Variants in RARB observed in about 807,000 individuals in gnomAD.
The protein encoded by RARB is HBV-activated protein.
RARB carries 17 observed loss-of-function variants against 51.9 expected under a neutral mutation model. The ratio of observed to expected loss-of-function variants is 0.33; its 90% CI spans 0.22 to 0.49. The LOEUF is 0.49. RARB is among the 20% of genes least tolerant of loss of function. The pLI is 0.99. For missense variants in RARB, 369 were observed against 550.8 expected (o/e 0.67, Z 3.30); for synonymous variants, 215 against 195.4 (o/e 1.10, Z -0.84).
At chr3:25,161,671 AG>A (rs1208550214) in intron 4 of RARB, among the ~76,000 whole-genome samples, 10 of 152,176 alleles carry the variant, frequency 6.6e-5, no homozygotes, top group African/African-American at 2.4e-4. Context: ...CACTTTTCTT[AG>A]TACATATTCT....
chr3:25,200,567 T>C (rs1701363884), intron 5 of RARB, among the ~76,000 whole-genome samples: 1 of 152,204 alleles, frequency 6.6e-6, no homozygotes, highest in Admixed American at 6.6e-5. Flanking sequence ...AGGGTTTTTA[T>C]GGTTTAGGTC....
intron 5 of RARB, among the ~76,000 whole-genome samples, chr3:25,210,296 C>T (rs564430590): frequency 7.9e-5 from 12 of 152,066 alleles, no homozygotes; most frequent in Non-Finnish European, 1.5e-4. Context: ...CAGCACAGTG[C>T]TAGGCATATA....
intron 5 of RARB, among the ~76,000 whole-genome samples, chr3:25,359,926 T>C (rs1705875085): frequency 6.6e-6 from 1 of 152,210 alleles, no homozygotes; most frequent in East Asian, 1.9e-4. Context: ...AAGTGCTATG[T>C]AGTGCTGAGA....
At chr3:25,476,928 C>G (rs1306660075) in intron 2 of RARB, among the ~76,000 whole-genome samples, 1 of 152,182 alleles carries the variant, frequency 6.6e-6, no homozygotes, top group Non-Finnish European at 1.5e-5. Context: ...TTGTTCACTT[C>G]TGTATTCTCA....
chr3:25,156,516 C>CAAAAAAAA lies in RARB; in HGVS notation c.-279-17579_-279-17572dup, dbSNP rs35710364. 6.3e-4 allele frequency among the ~76,000 whole-genome samples: 36 copies of CAAAAAAAA among 56,834 alleles called. 2 individuals carry two copies. The highest frequency in any genetic ancestry group is 1.6e-3 in the African/African-American group (22 of 13,594). 37.3% of individuals were successfully genotyped at this position (56,834 alleles called of 152,430 possible). ...ATCACACAAATTCTAGCCCCAACTG[C>CAAAAAAAA]AAAAAAAAAAAAAAAAAAAAAAAAA... On this transcript the variant is annotated intron_variant, in intron 4 of 11. Transcript: ENST00000383772.
At chr3:25,353,937 G>T (rs1705652313) in intron 5 of RARB, among the ~76,000 whole-genome samples, 1 of 152,004 alleles carries the variant, frequency 6.6e-6, no homozygotes, top group Admixed American at 6.6e-5. Context: ...AATATAAAGT[G>T]CAGTATATTA....
chr3:25,232,940 A>AT (rs967965280), intron 5 of RARB, among the ~76,000 whole-genome samples: 1 of 148,972 alleles, frequency 6.7e-6, no homozygotes, highest in African/African-American at 2.5e-5. Flanking sequence ...GACGCTGGGT[A>AT]TGCTAGGTGT....
intron 2 of RARB, among the ~76,000 whole-genome samples, chr3:24,992,106 C>A (rs1280046448): frequency 6.6e-6 from 1 of 152,174 alleles, no homozygotes; most frequent in Non-Finnish European, 1.5e-5. Flanking sequence ...CCTTGACTTG[C>A]TCCTCCATAC....
intron 5 of RARB, among the ~76,000 whole-genome samples, chr3:25,323,491 A>G (rs185821802): frequency 6.6e-6 from 1 of 152,370 alleles, no homozygotes; most frequent in East Asian, 1.9e-4. Context: ...ATAGTAGTCT[A>G]CTCAGTTTAA....
At chr3:25,400,287 C>G (rs901859081) in intron 5 of RARB, among the ~76,000 whole-genome samples, 2 of 151,976 alleles carry the variant, frequency 1.3e-5, no homozygotes, top group African/African-American at 4.8e-5. Context: ...GCCCAGTGAT[C>G]GTGATGAAAT....
chr3:24,852,778 T>C lies in RARB; in HGVS notation c.-458-5896T>C, dbSNP rs114325922. 3.9e-3 allele frequency among the ~76,000 whole-genome samples: 598 copies of C among 152,300 alleles called. 3 individuals are homozygous for C. The highest frequency in any genetic ancestry group is 0.014 in the African/African-American group (575 of 41,576). On this transcript the variant is annotated intron_variant, in intron 1 of 11. Coordinates refer to the RARB transcript ENST00000383772. ...ACAACAAATAGTGTGATTCCATTTA[T>C]ATGGAATTCTCAAAAAAGGCAAATC...
chr3:25,575,116 T>G (rs1464562998), intron 4 of RARB, among the ~76,000 whole-genome samples: 1 of 152,146 alleles, frequency 6.6e-6, no homozygotes, highest in South Asian at 2.1e-4. Context: ...GGCTTGGGGA[T>G]AGTTTCAGGA....
intron 1 of RARB, among the ~76,000 whole-genome samples, chr3:24,844,171 C>A (rs1702457211): frequency 6.6e-6 from 1 of 152,188 alleles, no homozygotes; most frequent in South Asian, 2.1e-4. Flanking sequence ...GGAGGCATTA[C>A]CCTTGCCCAA....
chr3:25,070,233 C>T (rs1483817715), intron 3 of RARB, among the ~76,000 whole-genome samples: 1 of 152,120 alleles, frequency 6.6e-6, no homozygotes, highest in East Asian at 1.9e-4. Flanking sequence ...AGATTAGAGG[C>T]CCACCCTACT....
chr3:25,564,610 A>G (rs950502248), intron 3 of RARB, among the ~76,000 whole-genome samples: 3 of 152,128 alleles, frequency 2.0e-5, no homozygotes, highest in African/African-American at 4.8e-5. Context: ...ATTTAGTTAT[A>G]TGTCTACCTT....
chr3:25,486,833 T>C (rs986451114), intron 2 of RARB, among the ~76,000 whole-genome samples: 1 of 152,210 alleles, frequency 6.6e-6, no homozygotes, highest in African/African-American at 2.4e-5. Context: ...TAATGAATCC[T>C]TGTATCCCTC....
At chr3:25,567,097 C>T (rs567875804) in intron 3 of RARB, among the ~76,000 whole-genome samples, 1 of 152,280 alleles carries the variant, frequency 6.6e-6, no homozygotes, top group African/African-American at 2.4e-5. Flanking sequence ...TGGTATTTAG[C>T]GATGTGTCAC....
chr3:25,468,396 T>TA lies in RARB; in HGVS notation c.306+7057dup, dbSNP rs1553619275. Reference sequence around the variant, plus strand: ...GCTTTTTTTTTTTTTTTTTTTTTTTTAACCCATAGCGCTTTTATTTCTCAC... The same window carrying TA: ...GCTTTTTTTTTTTTTTTTTTTTTTTTAAACCCATAGCGCTTTTATTTCTCAC... On this transcript the variant is annotated intron_variant, in intron 2 of 7. Transcript: ENST00000330688. Among the ~76,000 whole-genome samples the TA allele has an allele frequency of 1.5e-3, 213 of 144,126 alleles. 1 individual carries two copies. The highest frequency in any genetic ancestry group is 4.6e-3 in the South Asian group (21 of 4,564). 94.6% of individuals were successfully genotyped at this position (144,126 alleles called of 152,430 possible). A position where few individuals can be genotyped will look rare whatever the true frequency, so the allele number is the denominator to read the frequency against.
intron 5 of RARB, among the ~76,000 whole-genome samples, chr3:25,282,987 C>A (rs948327872): frequency 2.0e-5 from 3 of 152,164 alleles, no homozygotes; most frequent in African/African-American, 7.2e-5. Context: ...TGTCACTGGA[C>A]ATTGTAAGAA....
Sources: allele counts gnomAD v4.1 joint callset (sites outside exome capture counted in the v4.1 genomes callset), GRCh38; gene constraint gnomAD v4.1.1; transcripts MANE v1.5; gene names NCBI Gene and HGNC (gene_info 2026-07-23, HGNC 2026-07-21).